PCSK2: variants seen among roughly 807,000 people sequenced by gnomAD.
PCSK2 encodes proprotein convertase subtilisin/kexin type 2.
Under a neutral mutation model 69.7 loss-of-function variants are expected in PCSK2, and 14 were observed. The ratio of observed to expected loss-of-function variants is 0.20; its 90% CI spans 0.13 to 0.31. PCSK2 has a LOEUF of 0.31. Ranked by LOEUF, PCSK2 falls within the 10% of genes least tolerant of loss-of-function variation. The pLI is 1.00. For missense variants in PCSK2, 544 were observed against 842.5 expected, an observed-to-expected ratio of 0.65 and a Z score of 4.39; for synonymous variants, 307 against 320.7, an observed-to-expected ratio of 0.96 and a Z score of 0.46.
intron 6 of PCSK2, among the ~76,000 whole-genome samples, chr20:17,426,322 T>A (rs184236676): frequency 2.8e-4 from 43 of 152,296 alleles, no homozygotes; most frequent in African/African-American, 9.6e-4. Flanking sequence ...GATTTTAAGT[T>A]TCCTAAGGCC....
intron 8 of PCSK2, among the ~76,000 whole-genome samples, chr20:17,440,033 A>C (rs1395737213): frequency 6.6e-6 from 1 of 152,238 alleles, no homozygotes; most frequent in East Asian, 1.9e-4. Flanking sequence ...ACTGCACAGC[A>C]GCAGGTCCGT....
chr20:17,237,264 T>C (rs1209814012), intron 1 of PCSK2, among the ~76,000 whole-genome samples: 1 of 152,120 alleles, frequency 6.6e-6, no homozygotes, highest in Non-Finnish European at 1.5e-5. Context: ...ATGAAGTTCA[T>C]GGAAGTGAAT....
intron 11 of PCSK2, among the ~76,000 whole-genome samples, chr20:17,475,453 T>A (rs2033274827): frequency 6.6e-6 from 1 of 152,102 alleles, no homozygotes; most frequent in Non-Finnish European, 1.5e-5. Flanking sequence ...TCATAAGAAG[T>A]CATCTCAGCA....
chr20:17,272,158 A>G (rs908598027), intron 2 of PCSK2, among the ~76,000 whole-genome samples: 1 of 152,068 alleles, frequency 6.6e-6, no homozygotes, highest in Non-Finnish European at 1.5e-5. Context: ...AGATGTTTTC[A>G]TTGAATTTGG....
rs761252095 is a variant in PCSK2 at position 17,351,513 on chromosome 20, G to A, written c.283-6814G>A. On this transcript the variant is annotated intron_variant, in intron 2 of 11. Transcript: ENST00000262545. Reference sequence around the variant, plus strand: ...AAGTCAATTCACCACAATTAAAAAGGCTTTATTCCTAGGATGCAGTTAGTT... The same window carrying A: ...AAGTCAATTCACCACAATTAAAAAGACTTTATTCCTAGGATGCAGTTAGTT... Among the ~76,000 whole-genome samples the A allele has an allele frequency of 5.3e-5, 8 of 152,162 alleles. No homozygotes were observed. In the South Asian group the frequency reaches 1.5e-3, roughly 28 times the overall value.
At chr20:17,359,605 A>C (rs752077710) in intron 3 of PCSK2, among the ~76,000 whole-genome samples, 10 of 152,180 alleles carry the variant, frequency 6.6e-5, no homozygotes, top group Non-Finnish European at 1.0e-4. Flanking sequence ...ATCACATGTC[A>C]TTGGCCAAAA....
At chr20:17,239,975 T>G (rs1204590059) in intron 1 of PCSK2, among the ~76,000 whole-genome samples, 1 of 142,780 alleles carries the variant, frequency 7.0e-6, no homozygotes, top group African/African-American at 2.6e-5. Context: ...TGCCTCAGCC[T>G]CCCAAGTAGC....
At chr20:17,259,130 G>C (rs1306722653) in intron 1 of PCSK2, among the ~76,000 whole-genome samples, 1 of 152,008 alleles carries the variant, frequency 6.6e-6, no homozygotes, top group Non-Finnish European at 1.5e-5. Flanking sequence ...AACCACATCT[G>C]CTTCCCTTTT....
chr20:17,369,338 G>A, intron 5 of PCSK2, 61 bp downstream of exon 5: 10 of 1,367,926 alleles, frequency 7.3e-6, no homozygotes, highest in Non-Finnish European at 1.0e-6. Flanking sequence ...GGTGTCCCTG[G>A]CTATTAGGAA....
At chr20:17,480,184 C>CTTTTTTTTT (rs1164266992) in intron 11 of PCSK2, among the ~76,000 whole-genome samples, 11 of 76,982 alleles carry the variant, frequency 1.4e-4, no homozygotes, top group African/African-American at 5.9e-4. Context: ...TTCAGCTTTT[C>CTTTTTTTTT]TTTTTTTTTT....
intron 2 of PCSK2, among the ~76,000 whole-genome samples, chr20:17,330,487 A>G (rs1990181056): frequency 6.6e-6 from 1 of 152,036 alleles, no homozygotes; most frequent in Non-Finnish European, 1.5e-5. Context: ...CCAGCTACTC[A>G]GGAGGCTGAG....
chr20:17,266,090 G>A (rs1883532), intron 2 of PCSK2, among the ~76,000 whole-genome samples: 131,474 of 152,286 alleles, frequency 0.86, 56,964 homozygotes, highest in Admixed American at 0.9. Context: ...AAGTGAAGTT[G>A]CCTCCTGAGT....
intron 2 of PCSK2, among the ~76,000 whole-genome samples, chr20:17,323,153 C>T (rs1017718735): frequency 3.0e-4 from 46 of 152,324 alleles, no homozygotes; most frequent in Non-Finnish European, 6.8e-4. Context: ...GCGTGAGTCA[C>T]CGCACCCAGC....
chr20:17,366,395 G>A (rs909172789), intron 4 of PCSK2, among the ~76,000 whole-genome samples: 3 of 152,164 alleles, frequency 2.0e-5, no homozygotes, highest in East Asian at 1.9e-4. Context: ...GTGATCAGTC[G>A]GTACCCCCAT....
At chr20:17,274,143 T>C (rs1271414169) in intron 2 of PCSK2, among the ~76,000 whole-genome samples, 1 of 152,164 alleles carries the variant, frequency 6.6e-6, no homozygotes, top group Non-Finnish European at 1.5e-5. Context: ...AATAAACATG[T>C]GAATAAAAGC....
intron 2 of PCSK2, among the ~76,000 whole-genome samples, chr20:17,295,213 AACACAC>A (rs58508384): frequency 3.9e-4 from 57 of 146,270 alleles, no homozygotes; most frequent in East Asian, 3.0e-3. Flanking sequence ...ATACGCAGTT[AACACAC>A]ACACACACAC....
intron 6 of PCSK2, among the ~76,000 whole-genome samples, chr20:17,421,903 AT>A (rs2032139528): frequency 6.6e-6 from 1 of 151,986 alleles, no homozygotes; most frequent in Admixed American, 6.6e-5. Context: ...CCTGAAAAAA[AT>A]ACACCTAAAA....
At chr20:17,339,199 C>A (rs548524946) in intron 2 of PCSK2, among the ~76,000 whole-genome samples, 1 of 152,146 alleles carries the variant, frequency 6.6e-6, no homozygotes, top group Non-Finnish European at 1.5e-5. Context: ...AAAATGCTGA[C>A]GAGGCATGAA....
At chr20:17,274,815 G>A (rs538790896) in intron 2 of PCSK2, among the ~76,000 whole-genome samples, 1 of 152,134 alleles carries the variant, frequency 6.6e-6, no homozygotes, top group East Asian at 1.9e-4. Context: ...ATAACAAGAA[G>A]ACAAACGAAT....
Sources: allele counts gnomAD v4.1 joint callset (sites outside exome capture counted in the v4.1 genomes callset), GRCh38; gene constraint gnomAD v4.1.1; transcripts MANE v1.5; gene names NCBI Gene and HGNC (gene_info 2026-07-23, HGNC 2026-07-21).